Variants in PCDHGB2 observed in about 807,000 individuals in gnomAD.
PCDHGB2 encodes protocadherin gamma-B2.
PCDHGB2 carries 55 observed loss-of-function variants against 59.3 expected under a neutral mutation model. The observed-to-expected ratio is 0.93, with a 90% CI of 0.75 to 1.16. The LOEUF (loss-of-function observed/expected upper bound fraction) is 1.16, where lower values mean the gene tolerates loss of function less well. Ranked by LOEUF, PCDHGB2 falls within the 50% of genes most tolerant of loss-of-function variation. The pLI, the probability that PCDHGB2 is intolerant of heterozygous loss-of-function variation, is 0.00. For missense variants in PCDHGB2, 1,228 were observed against 1,198.5 expected, an observed-to-expected ratio of 1.02 and a Z score of -0.36; for synonymous variants, 516 against 512.0, an observed-to-expected ratio of 1.01 and a Z score of -0.11.
intron 1 of PCDHGB2, among the ~76,000 whole-genome samples, chr5:141,469,967 C>G (rs2099217411): frequency 6.6e-6 from 1 of 152,124 alleles, no homozygotes; most frequent in Admixed American, 6.6e-5. Flanking sequence ...CCCATCTGTA[C>G]CAAAAATACA....
At chr5:141,460,134 T>TCAAAGA in intron 1 of PCDHGB2, among the ~76,000 whole-genome samples, 1 of 152,066 alleles carries the variant, frequency 6.6e-6, no homozygotes, top group South Asian at 2.1e-4. Flanking sequence ...AATATATATA[T>TCAAAGA]TCTTGATGTG....
intron 1 of PCDHGB2, among the ~76,000 whole-genome samples, chr5:141,402,781 T>G (rs1456317365): frequency 1.3e-5 from 2 of 152,200 alleles, no homozygotes; most frequent in Non-Finnish European, 2.9e-5. Context: ...GATTTCCAGT[T>G]CTGCGGCTAC....
At chr5:141,506,103 C>T (rs1001709380) in intron 3 of PCDHGB2, among the ~76,000 whole-genome samples, 2 of 152,144 alleles carry the variant, frequency 1.3e-5, no homozygotes, top group Admixed American at 1.3e-4. Context: ...GTGGTTGTCC[C>T]TGAAGAGTCA....
chr5:141,438,065 C>T (rs1385128405), intron 1 of PCDHGB2, among the ~76,000 whole-genome samples: 1 of 151,996 alleles, frequency 6.6e-6, no homozygotes, highest in Non-Finnish European at 1.5e-5. Flanking sequence ...TTTAAGAAAC[C>T]ATACTTAATG....
chr5:141,503,222 G>T (rs540244346), intron 2 of PCDHGB2, among the ~76,000 whole-genome samples: 1 of 152,120 alleles, frequency 6.6e-6, no homozygotes, highest in East Asian at 1.9e-4. Context: ...CATGAGCACC[G>T]TAAAGATGGA....
chr5:141,496,306 C>T (rs1380057886), intron 2 of PCDHGB2, among the ~76,000 whole-genome samples: 1 of 152,202 alleles, frequency 6.6e-6, no homozygotes, highest in South Asian at 2.1e-4. Flanking sequence ...ATAGGCTCTG[C>T]GCCAGGCCTC....
Position 141,475,863 on chromosome 5 carries a change from C to G in PCDHGB2, c.2422-18944C>G, listed in dbSNP as rs1037784260. On this transcript the variant is annotated intron_variant, in intron 1 of 3. Transcript: ENST00000522605. ...TCAGAGAGCCCGGCGCTAGCTCATT[C>G]TTCGTGCAGTTATTGGCTGGGACTC... is the stretch of plus-strand genomic sequence containing the variant. 1.4e-5 allele frequency: 7 copies of G among 499,790 alleles called. 1 individual carries two copies. The highest frequency in any genetic ancestry group is 1.4e-4 in the African/African-American group (7 of 51,600). The allele number at this position is 499,790 out of a possible 1,614,324, so 31.0% of individuals were successfully genotyped here. A position where few individuals can be genotyped will look rare whatever the true frequency, so the allele number is the denominator to read the frequency against.
chr5:141,388,842 A>G (rs1399936260), intron 1 of PCDHGB2: 1 of 1,614,014 alleles, frequency 6.2e-7, no homozygotes, highest in Non-Finnish European at 8.5e-7. Flanking sequence ...TTTGGAAGCA[A>G]GGGACGGTGG....
intron 2 of PCDHGB2, among the ~76,000 whole-genome samples, chr5:141,497,171 C>T (rs991574648): frequency 6.6e-6 from 1 of 151,148 alleles, no homozygotes; most frequent in African/African-American, 2.5e-5. Context: ...CCACAAATCA[C>T]AGTAAGTTCT....
intron 1 of PCDHGB2, among the ~76,000 whole-genome samples, chr5:141,482,488 G>C (rs1401943298): frequency 7.7e-6 from 1 of 130,410 alleles, no homozygotes; most frequent in African/African-American, 3.1e-5. Context: ...ACAATTAAAA[G>C]TTATCATTCT....
chr5:141,422,359 G>A, intron 1 of PCDHGB2: 1 of 1,558,858 alleles, frequency 6.4e-7, no homozygotes, highest in Non-Finnish European at 8.6e-7. Flanking sequence ...TCAAGATTCT[G>A]GAGAAAATGG....
rs758540898 is a variant in PCDHGB2 at position 141,400,450 on chromosome 5, A to G, written c.2421+37894A>G. The G allele has an allele frequency of 3.7e-6, 6 of 1,613,982 alleles. No homozygotes were observed. The African/African-American group carries it at 5.3e-5, about 14-fold the overall frequency. ...TGAGCAATTGAGTTCAGGACAAGAC[A>G]TACTTTGTGGTGATTCATCTGGGGC... On this transcript the variant is annotated intron_variant, in intron 1 of 3. Transcript: ENST00000522605.
At chr5:141,458,899 T>A (rs1398965632) in intron 1 of PCDHGB2, among the ~76,000 whole-genome samples, 2 of 152,106 alleles carry the variant, frequency 1.3e-5, no homozygotes, top group African/African-American at 2.4e-5. Context: ...GCGCAGCTAA[T>A]TTTTTCTATT....
At chr5:141,384,266 C>T in intron 1 of PCDHGB2, 1 of 1,613,876 alleles carries the variant, frequency 6.2e-7, no homozygotes. Context: ...CCCCACTCAT[C>T]CTACTCAGTC....
At chr5:141,388,858 T>C (rs1217000654) in intron 1 of PCDHGB2, 1 of 1,613,984 alleles carries the variant, frequency 6.2e-7, no homozygotes, top group Non-Finnish European at 8.5e-7. Context: ...GGTGGAGGAA[T>C]GATTGCGCAA....
intron 1 of PCDHGB2, chr5:141,384,001 C>G (rs1561599904): frequency 6.2e-7 from 1 of 1,613,828 alleles, no homozygotes. Context: ...AGTCATTGCT[C>G]TTTTCTACCT....
Position 141,511,156 on chromosome 5 carries a change from A to G in PCDHGB2, c.2779A>G (p.Lys927Glu), listed in dbSNP as rs2099883637. 6.2e-7 allele frequency: 1 copy of G among 1,614,080 alleles called. No individual in the cohort carries two copies. The highest frequency in any genetic ancestry group is 1.3e-5 in the African/African-American group (1 of 74,940). Residue 927 changes from lysine (K) to glutamate (E), a missense_variant, in exon 4 of 4, where the codon AAG (lysine) becomes GAG (glutamate). By Grantham distance (56) the Lys-to-Glu change is moderately conservative (BLOSUM62 1). Around this residue, in one of 3 missense-constraint regions of PCDHGB2, gnomAD observed 433 missense variants for 441.8 expected, o/e 0.98. Transcript: ENST00000522605. ...CAATGGCAACAAGAAGAAGTCGGGC[A>G]AGAAGGAGAAGAAGTAACATGGAGG... is the stretch of plus-strand genomic sequence containing the variant. ...GGNGNKKKSG[K>E]KEKK
At chr5:141,375,640 C>G (rs1375647493) in intron 1 of PCDHGB2, 1 of 1,614,226 alleles carries the variant, frequency 6.2e-7, no homozygotes, top group Non-Finnish European at 8.5e-7. Context: ...CCCTGCGCTC[C>G]TTCGACTATG....
In PCDHGB2 at chr5:141,360,055, G is replaced by A; in HGVS notation, c.-81G>A. ...ATTCGGAAACAGAAAACAAAAGCAG[G>A]AAAAGTGACCTTAGCCCGGATTCTG... On this transcript the variant is annotated 5_prime_UTR_variant, in exon 1 of 4. Coordinates refer to ENST00000522605, the MANE Select transcript of PCDHGB2 (RefSeq NM_018923.3). 6.9e-7 allele frequency: 1 copy of A among 1,446,612 alleles called. No homozygotes were observed. The highest frequency in any genetic ancestry group is 9.1e-7 in the Non-Finnish European group (1 of 1,095,104). The allele number at this position is 1,446,612 out of a possible 1,614,324, so 89.6% of individuals were successfully genotyped here.
Sources: gnomAD v4.1 joint callset for allele counts (sites outside exome capture counted in the v4.1 genomes callset) on GRCh38, gnomAD v4.1.1 for gene constraint, gnomAD v4.1.1 regional missense constraint, MANE v1.5 for transcripts, NCBI Gene and HGNC (gene_info 2026-07-23, HGNC 2026-07-21) for gene names.